Variants in TMEM181 observed in about 807,000 individuals in gnomAD.
TMEM181 encodes G protein-coupled receptor 178.
In TMEM181, 39 loss-of-function variants were observed where a neutral mutation model predicts 71.9. The observed-to-expected ratio is 0.54, with a 90% CI of 0.42 to 0.71. The LOEUF is 0.71. Ranked by LOEUF, TMEM181 falls within the 30% of genes least tolerant of loss-of-function variation. The probability of loss-of-function intolerance (pLI) is 0.00; values close to 1 mark genes in which losing one functional copy is unlikely to be tolerated. For missense variants in TMEM181, 595 were observed against 583.0 expected (o/e 1.02, Z -0.21); for synonymous variants, 245 against 228.8 (o/e 1.07, Z -0.64).
intron 1 of TMEM181, among the ~76,000 whole-genome samples, chr6:158,547,569 C>T (rs1161975718): frequency 6.6e-6 from 1 of 152,222 alleles, no homozygotes; most frequent in Non-Finnish European, 1.5e-5. Flanking sequence ...TCACCATTGA[C>T]ACAGGGTCTC....
Position 158,631,982 on chromosome 6 carries a change from C to T in TMEM181, c.*94C>T. ...CCCTGTTATATTCAGATTTTTCTTA[C>T]AAGCAGAGATTTCCTGTTCATTTGT... On this transcript the variant is annotated 3_prime_UTR_variant, in exon 17 of 17. Transcript: ENST00000684151. 1.7e-6 allele frequency: 2 copies of T among 1,177,540 alleles called. No individual in the cohort carries two copies. Among genetic ancestry groups the T allele is most frequent in the South Asian group, 2.8e-5 (2 of 70,752 alleles). The allele number at this position is 1,177,540 out of a possible 1,614,324, so 72.9% of individuals were successfully genotyped here. A position where few individuals can be genotyped will look rare whatever the true frequency, so the allele number is the denominator to read the frequency against.
rs1267390678 is a variant in TMEM181, at chr6:158,584,003, A to G, written c.218A>G (p.Gln73Arg). Reference protein sequence around the residue: ...LSNPLSTYNQQLWLTCVVELD... With the variant: ...LSNPLSTYNQRLWLTCVVELD... Reference sequence around the variant, plus strand: ...AATCCACTGTCTACATACAATCAGCAACTATGGCTGACATGTGTTGTTGAG... The same window carrying G: ...AATCCACTGTCTACATACAATCAGCGACTATGGCTGACATGTGTTGTTGAG... Residue 73 changes from glutamine (Q) to arginine (R), a missense_variant, in exon 4 of 17, where the codon CAA becomes CGA. Transcript: ENST00000684151. 1.2e-6 allele frequency: 2 copies of G among 1,612,234 alleles called. No individual in the cohort carries two copies. The highest frequency in any genetic ancestry group is 1.7e-5 in the Admixed American group (1 of 59,868).
rs73012190 is a variant in TMEM181, at chr6:158,562,380, T to A, written c.8+2148T>A. Among the ~76,000 whole-genome samples the A allele has an allele frequency of 1.1e-3, 175 of 152,258 alleles. 1 individual carries two copies. Among genetic ancestry groups the A allele is most frequent in the Middle Eastern group, 6.8e-3 (2 of 294 alleles). ...CTACAGGGCTGCACGGAGTTGAGAC[T>A]CTCATGCTCACATGTTGCTTTGGTC... On this transcript the variant is annotated intron_variant, in intron 1 of 16. Coordinates refer to ENST00000684151, the MANE Select transcript of TMEM181 (RefSeq NM_001376852.1).
At chr6:158,541,999 G>A (rs1019264771) in intron 1 of TMEM181, among the ~76,000 whole-genome samples, 5 of 147,774 alleles carry the variant, frequency 3.4e-5, no homozygotes, top group East Asian at 2.0e-4. Flanking sequence ...TCCACCTCCC[G>A]GGTTCAAGCG....
At chr6:158,568,230 G>A (rs1782620385) in intron 1 of TMEM181, among the ~76,000 whole-genome samples, 1 of 152,130 alleles carries the variant, frequency 6.6e-6, no homozygotes, top group Non-Finnish European at 1.5e-5. Context: ...AGTGGAAGCG[G>A]GCTTTTCAGT....
Position 158,631,867 on chromosome 6 carries a change from G to A in TMEM181, c.1407G>A (p.Lys469=). 1 of 1,595,842 alleles carries A rather than the reference G, an allele frequency of 6.3e-7. No individual in the cohort carries two copies. The highest frequency in any genetic ancestry group is 8.5e-7 in the Non-Finnish European group (1 of 1,170,770). ...GCCAGGCCATCCGGGCCAAGTACAA[G>A]GAGGAGTCAGATAGTGACTGAGCCC... ...QNGQAIRAKY[K]EESDSD Residue 469 remains lysine (K), a synonymous_variant, in exon 17 of 17, where the codon AAG becomes AAA. Coordinates refer to ENST00000684151, the MANE Select transcript of TMEM181 (RefSeq NM_001376852.1).
intron 6 of TMEM181, among the ~76,000 whole-genome samples, chr6:158,598,840 A>C (rs1248622141): frequency 6.6e-6 from 1 of 151,720 alleles, no homozygotes; most frequent in Non-Finnish European, 1.5e-5. Context: ...CGCCCAGATA[A>C]TTTTTTGTAT....
intron 14 of TMEM181, among the ~76,000 whole-genome samples, chr6:158,629,050 G>A (rs932926342): frequency 6.6e-6 from 1 of 152,184 alleles, no homozygotes; most frequent in East Asian, 1.9e-4. Flanking sequence ...TTCGATTCCC[G>A]CTGTGCCTGA....
At chr6:158,587,513 A>T (rs1245026956) in intron 5 of TMEM181, among the ~76,000 whole-genome samples, 1 of 150,548 alleles carries the variant, frequency 6.6e-6, no homozygotes, top group Non-Finnish European at 1.5e-5. Context: ...TTTTTTTTTT[A>T]AACACACAGT....
At chr6:158,624,247 G>C (rs1406683552) in intron 11 of TMEM181, among the ~76,000 whole-genome samples, 2 of 152,206 alleles carry the variant, frequency 1.3e-5, no homozygotes, top group Non-Finnish European at 2.9e-5. Context: ...AGACACCGGA[G>C]AGCAGAGCCT....
chr6:158,562,002 GAGGTGAGAA>G (rs1295937320), intron 1 of TMEM181, among the ~76,000 whole-genome samples: 3 of 152,198 alleles, frequency 2.0e-5, no homozygotes, highest in African/African-American at 4.8e-5. Flanking sequence ...TGAGAGCCCA[GAGGTGAGAA>G]AGGTGAGAAA....
At position 158,589,770 on chromosome 6, in the gene TMEM181, A is replaced by G. The variant is rs769194443; in HGVS notation, c.480A>G (p.Gly160=). The G allele has an allele frequency of 1.2e-6, 2 of 1,612,406 alleles. No homozygotes were observed. The highest frequency in any genetic ancestry group is 1.3e-5 in the African/African-American group (1 of 75,004). The change falls in exon 6 of 17, where the codon GGA becomes GGG. Residue 160 remains glycine (G), a synonymous_variant. Transcript: ENST00000684151. ...GFEHLKLPIK[G]MNFTWKTYNP... is the part of the protein sequence containing the mutation. ...AACACCTGAAGCTCCCCATCAAGGG[A>G]ATGAACTTCACAGTAAGTATACCAG...
At chr6:158,573,746 C>T (rs1422973401) in intron 2 of TMEM181, among the ~76,000 whole-genome samples, 1 of 151,522 alleles carries the variant, frequency 6.6e-6, no homozygotes, top group Non-Finnish European at 1.5e-5. Context: ...CCTGGCCATG[C>T]CCTGTGCAGC....
intron 15 of TMEM181, among the ~76,000 whole-genome samples, chr6:158,631,029 C>T (rs577074096): frequency 1.3e-5 from 2 of 152,264 alleles, no homozygotes; most frequent in East Asian, 3.9e-4. Context: ...CAGCTCCCCA[C>T]TCCTTGTGTC....
chr6:158,599,721 G>A (rs1432666173), intron 6 of TMEM181, among the ~76,000 whole-genome samples: 3 of 152,176 alleles, frequency 2.0e-5, no homozygotes, highest in African/African-American at 4.8e-5. Context: ...CCCAGCTCAC[G>A]GGATCCAGCG....
At chr6:158,602,088 T>C (rs967753463) in intron 6 of TMEM181, among the ~76,000 whole-genome samples, 1 of 152,194 alleles carries the variant, frequency 6.6e-6, no homozygotes, top group African/African-American at 2.4e-5. Context: ...CCCTTCCTCC[T>C]GTCCTTTCCC....
chr6:158,563,759 T>A (rs1311363060), intron 1 of TMEM181, among the ~76,000 whole-genome samples: 1 of 152,214 alleles, frequency 6.6e-6, no homozygotes, highest in African/African-American at 2.4e-5. Context: ...CATTGTTTAT[T>A]AAATTGTGTT....
intron 3 of TMEM181, among the ~76,000 whole-genome samples, chr6:158,582,906 T>C (rs554818811): frequency 6.6e-6 from 1 of 152,256 alleles, no homozygotes; most frequent in African/African-American, 2.4e-5. Context: ...ATAGCAGACG[T>C]CAAAGAGCAA....
At position 158,628,314 on chromosome 6, in the gene TMEM181, G is replaced by A. The variant is rs756998726; in HGVS notation, c.1110-94G>A. On this transcript the variant is annotated intron_variant, in intron 13 of 16. Coordinates refer to ENST00000684151, the MANE Select transcript of TMEM181 (RefSeq NM_001376852.1). Reference sequence around the variant, plus strand: ...CATGCAGAAATCATAGTGTACAGACGGAAAGCTTGAATGGGGTGAATAGAG... The same window carrying A: ...CATGCAGAAATCATAGTGTACAGACAGAAAGCTTGAATGGGGTGAATAGAG... The A allele has an allele frequency of 8.9e-5, 106 of 1,191,634 alleles. No homozygotes were observed. The East Asian group carries it at 1.9e-3, about 22-fold the overall frequency. The allele number at this position is 1,191,634 out of a possible 1,614,324, so 73.8% of individuals were successfully genotyped here.
Sources: gnomAD v4.1 joint callset for allele counts (sites outside exome capture counted in the v4.1 genomes callset) on GRCh38, gnomAD v4.1.1 for gene constraint, MANE v1.5 for transcripts, NCBI Gene and HGNC (gene_info 2026-07-23, HGNC 2026-07-21) for gene names.